Variants in PRDM16 observed in about 807,000 individuals in gnomAD.
PRDM16 encodes the protein histone-lysine N-methyltransferase PRDM16.
PRDM16 carries 23 observed loss-of-function variants against 110.6 expected under a neutral mutation model. The ratio of observed to expected loss-of-function variants is 0.21; its 90% CI spans 0.15 to 0.29. The LOEUF is 0.29. Ranked by LOEUF, PRDM16 falls within the 10% of genes least tolerant of loss-of-function variation. PRDM16 has a pLI of 1.00. For synonymous variants in PRDM16, 799 were observed against 781.8 expected (o/e 1.02, Z -0.37); for missense variants, 1,615 against 1,794.3 (o/e 0.90, Z 1.81).
Position 3,412,503 on chromosome 1 carries a change from C to G in PRDM16, c.2306C>G (p.Ala769Gly). The change falls in exon 9 of 17, where the codon GCC becomes GGC. Residue 769 changes from alanine (A) to glycine (G), a missense_variant. By Grantham distance (60) the Ala-to-Gly change is moderately conservative. This residue lies in a region of PRDM16 where 772 missense variants were observed against 748.3 expected (regional missense o/e 1.03). Transcript: ENST00000270722. ...RDALKVGGPS[A>G]ECPFDLTTKP... The stretch of plus-strand genomic sequence containing the variant: ...GCCCTCAAGGTGGGCGGCCCCAGTG[C>G]CGAGTGCCCCTTTGATCTCACCACC... 2 of 1,613,328 alleles carry G rather than the reference C, an allele frequency of 1.2e-6. No homozygotes were observed. The highest frequency in any genetic ancestry group is 1.7e-6 in the Non-Finnish European group (2 of 1,180,008).
intron 3 of PRDM16, among the ~76,000 whole-genome samples, chr1:3,247,249 A>T (rs1296767449): frequency 6.6e-6 from 1 of 152,128 alleles, no homozygotes; most frequent in Non-Finnish European, 1.5e-5. Flanking sequence ...GCCTCAGTGA[A>T]ATGTGACGAA....
intron 3 of PRDM16, among the ~76,000 whole-genome samples, chr1:3,356,312 C>T (rs1197741186): frequency 1.3e-5 from 2 of 152,216 alleles, no homozygotes; most frequent in African/African-American, 4.8e-5. Flanking sequence ...TGACAGTGCC[C>T]CTGGCCAGGG....
chr1:3,241,519 G>A (rs1020712110), intron 2 of PRDM16, among the ~76,000 whole-genome samples: 2 of 152,226 alleles, frequency 1.3e-5, no homozygotes, highest in African/African-American at 2.4e-5. Flanking sequence ...GGGCCCTCCT[G>A]GTCAGTGCGT....
intron 1 of PRDM16, among the ~76,000 whole-genome samples, chr1:3,138,539 G>A (rs1348539125): frequency 2.0e-5 from 3 of 152,210 alleles, no homozygotes; most frequent in South Asian, 2.1e-4. Flanking sequence ...TTCTGCTGCC[G>A]GTGACATACC....
chr1:3,104,750 G>A (rs561623307), intron 1 of PRDM16, among the ~76,000 whole-genome samples: 4 of 152,096 alleles, frequency 2.6e-5, no homozygotes, highest in African/African-American at 9.6e-5. Context: ...ACGTCACCTG[G>A]CCCTCGCTGT....
rs540311566 is a variant in PRDM16, at chr1:3,362,396, G to T, written c.439-22756G>T. ...AAGCAGACTCGGGCTCACAACGGGC[G>T]GTCATGGTTGCGGCAAGAAGAGCCA... is the stretch of plus-strand genomic sequence containing the variant. On this transcript the variant is annotated intron_variant, in intron 3 of 16. Transcript: ENST00000270722. 2.3e-3 allele frequency among the ~76,000 whole-genome samples: 353 copies of T among 152,320 alleles called. 2 individuals are homozygous for T. The highest frequency in any genetic ancestry group is 8.1e-3 in the African/African-American group (337 of 41,568).
At position 3,350,661 on chromosome 1, in the gene PRDM16, T is replaced by C. The variant is rs1304533405; in HGVS notation, c.439-34491T>C. Among the ~76,000 whole-genome samples, 1 of 152,042 alleles carries C rather than the reference T, an allele frequency of 6.6e-6. No homozygotes were observed. The highest frequency in any genetic ancestry group is 1.5e-5 in the Non-Finnish European group (1 of 67,982). ...CACAGCTTGGCTCCATGCAGGGCCCTGGGAGCACCCAGAAGGCAGGGCTTT... is the reference window on the plus strand; with the variant it reads ...CACAGCTTGGCTCCATGCAGGGCCCCGGGAGCACCCAGAAGGCAGGGCTTT... On this transcript the variant is annotated intron_variant, in intron 3 of 16. Transcript: ENST00000270722. The surrounding 1 kb of genome is among the most constrained non-coding windows in gnomAD (Gnocchi z 7.1).
chr1:3,238,621 G>A (rs1469546131), intron 2 of PRDM16, among the ~76,000 whole-genome samples: 1 of 152,214 alleles, frequency 6.6e-6, no homozygotes, highest in East Asian at 1.9e-4. Context: ...GGCGGCCGGC[G>A]ACTAACCGCC....
intron 3 of PRDM16, among the ~76,000 whole-genome samples, chr1:3,331,212 G>A (rs1642034465): frequency 6.6e-6 from 1 of 152,172 alleles, no homozygotes; most frequent in Admixed American, 6.5e-5. Flanking sequence ...TGGATTGCAG[G>A]GGGGAAGCTG....
intron 2 of PRDM16, among the ~76,000 whole-genome samples, chr1:3,219,429 G>A (rs367878157): frequency 2.0e-5 from 3 of 152,122 alleles, no homozygotes; most frequent in Non-Finnish European, 2.9e-5. Flanking sequence ...GCCAGCTCCC[G>A]GAGGACCTGC....
chr1:3,351,376 C>T (rs559201759), intron 3 of PRDM16, among the ~76,000 whole-genome samples: 45 of 151,952 alleles, frequency 3.0e-4, no homozygotes, highest in African/African-American at 1.0e-3. Flanking sequence ...CCAGGGCCCA[C>T]GTGGGGTCCC....
intron 1 of PRDM16, among the ~76,000 whole-genome samples, chr1:3,090,306 C>T (rs905628923): frequency 5.9e-5 from 9 of 152,238 alleles, no homozygotes; most frequent in Non-Finnish European, 1.0e-4. Context: ...CGAAGCGCTT[C>T]CATCCACTTC....
At chr1:3,312,132 C>T (rs1379956615) in intron 3 of PRDM16, among the ~76,000 whole-genome samples, 1 of 152,224 alleles carries the variant, frequency 6.6e-6, no homozygotes, top group East Asian at 1.9e-4. Context: ...CACCTTCCCA[C>T]GTGTGAAATG....
chr1:3,311,223 C>T (rs1266154654), intron 3 of PRDM16, among the ~76,000 whole-genome samples: 1 of 152,198 alleles, frequency 6.6e-6, no homozygotes, highest in African/African-American at 2.4e-5. Context: ...CTGCAGTGGC[C>T]GCGGCGCTGC....
At chr1:3,194,199 G>C (rs1032977416) in intron 2 of PRDM16, among the ~76,000 whole-genome samples, 1 of 152,224 alleles carries the variant, frequency 6.6e-6, no homozygotes, top group Non-Finnish European at 1.5e-5. Context: ...AGTGCACACT[G>C]GGGGGCTATT....
chr1:3,338,301 G>T (rs551777881), intron 3 of PRDM16, among the ~76,000 whole-genome samples: 1 of 152,380 alleles, frequency 6.6e-6, no homozygotes, highest in Admixed American at 6.5e-5. Flanking sequence ...CAGATGAGAA[G>T]CCCCGTGGGG....
rs1040541840 is a variant in PRDM16 at position 3,364,568 on chromosome 1, C to T, written c.439-20584C>T. On this transcript the variant is annotated intron_variant, in intron 3 of 16. Transcript: ENST00000270722. ...TTCCCACCGCTCAGCCCCTCACCCC[C>T]GGCAACAGCCTAGTAATGACCCTGG... Among the ~76,000 whole-genome samples, 170 of 152,314 alleles carry T rather than the reference C, an allele frequency of 1.1e-3. 1 individual carries two copies. The highest frequency in any genetic ancestry group is 3.7e-3 in the African/African-American group (153 of 41,572).
At chr1:3,310,106 T>C (rs1164616584) in intron 3 of PRDM16, 1 of 152,160 alleles carries the variant, frequency 6.6e-6, no homozygotes, top group East Asian at 1.9e-4. Context: ...AAACAAAAAG[T>C]CAACATGTGG....
At chr1:3,097,230 G>C (rs1219453616) in intron 1 of PRDM16, among the ~76,000 whole-genome samples, 5 of 152,194 alleles carry the variant, frequency 3.3e-5, no homozygotes, top group Non-Finnish European at 5.9e-5. Flanking sequence ...AAAAGTTTTG[G>C]TCTCTGACGG....
Sources: gnomAD v4.1 joint callset for allele counts (sites outside exome capture counted in the v4.1 genomes callset) on GRCh38, gnomAD v4.1.1 for gene constraint, gnomAD v4.1.1 regional missense constraint, Gnocchi (gnomAD v3.1) non-coding constraint, MANE v1.5 for transcripts, NCBI Gene and HGNC (gene_info 2026-07-23, HGNC 2026-07-21) for gene names.